The following RERE variants were observed in gnomAD, a reference collection of about 807,000 sequenced individuals.
RERE encodes the protein arginine-glutamic acid dipeptide repeats protein.
Under a neutral mutation model 146.1 loss-of-function variants are expected in RERE, and 40 were observed. The ratio of observed to expected loss-of-function variants is 0.27; its 90% CI spans 0.21 to 0.36. The LOEUF (loss-of-function observed/expected upper bound fraction) is 0.36, where lower values mean the gene tolerates loss of function less well. Ranked by LOEUF, RERE falls within the 10% of genes least tolerant of loss-of-function variation. The pLI is 1.00. For missense variants in RERE, 1,933 were observed against 2,138.7 expected (o/e 0.90, Z 1.90); for synonymous variants, 1,003 against 866.0 (o/e 1.16, Z -2.78).
chr1:8,695,692 G>C (rs1305497062), intron 1 of RERE, among the ~76,000 whole-genome samples: 1 of 151,696 alleles, frequency 6.6e-6, no homozygotes, highest in Non-Finnish European at 1.5e-5. Flanking sequence ...CCTGGGAGGT[G>C]GAGGTTGCAG....
chr1:8,383,378 A>G (rs934791897), intron 12 of RERE, among the ~76,000 whole-genome samples: 5 of 151,648 alleles, frequency 3.3e-5, no homozygotes, highest in Admixed American at 6.6e-5. Flanking sequence ...AACCAAGAGA[A>G]TGCACCTGCC....
intron 1 of RERE, among the ~76,000 whole-genome samples, chr1:8,800,331 G>A (rs1043682489): frequency 2.0e-5 from 3 of 151,590 alleles, no homozygotes; most frequent in African/African-American, 7.3e-5. Flanking sequence ...AAATTTTATA[G>A]CATGTGACCA....
chr1:8,533,833 ACAAAGGGTTTTTGAAATGAT>A (rs1037648019), intron 7 of RERE, among the ~76,000 whole-genome samples: 3 of 152,248 alleles, frequency 2.0e-5, no homozygotes, highest in Admixed American at 6.5e-5. Flanking sequence ...ATGTTATCTG[ACAAAGGGTTTTTGAAATGAT>A]CAAAGGGTTT....
At chr1:8,653,072 C>A (rs1647709802) in intron 2 of RERE, among the ~76,000 whole-genome samples, 1 of 152,168 alleles carries the variant, frequency 6.6e-6, no homozygotes, top group Non-Finnish European at 1.5e-5. Flanking sequence ...GTGCCACAGT[C>A]CCATAAATGG....
chr1:8,357,859 G>A (rs1641357483), intron 20 of RERE, among the ~76,000 whole-genome samples: 1 of 152,330 alleles, frequency 6.6e-6, no homozygotes, highest in Middle Eastern at 3.4e-3. Flanking sequence ...ACGTTCCTTG[G>A]CTCCAAAGGC....
intron 7 of RERE, among the ~76,000 whole-genome samples, chr1:8,539,003 T>C (rs528532339): frequency 6.6e-6 from 1 of 152,340 alleles, no homozygotes; most frequent in South Asian, 2.1e-4. Context: ...TTAATAAGCA[T>C]TCAGCAAAAC....
At chr1:8,526,149 C>T (rs1557672547) in intron 7 of RERE, 9 of 828,712 alleles carry the variant, frequency 1.1e-5, no homozygotes, top group African/African-American at 1.8e-5. Flanking sequence ...GGATCCAAGA[C>T]AGCCAACAGC....
At chr1:8,583,310 C>T (rs184389875) in intron 4 of RERE, among the ~76,000 whole-genome samples, 41 of 152,242 alleles carry the variant, frequency 2.7e-4, no homozygotes, top group African/African-American at 9.6e-4. Flanking sequence ...CTCTACAAAC[C>T]GCAAAATATA....
At chr1:8,366,380 CACA>C (rs1641804181) in intron 12 of RERE, among the ~76,000 whole-genome samples, 1 of 152,240 alleles carries the variant, frequency 6.6e-6, no homozygotes, top group Non-Finnish European at 1.5e-5. Flanking sequence ...TGTGTGTGAA[CACA>C]ACGATGCTTT....
chr1:8,398,098 T>A (rs1162750884), intron 12 of RERE, among the ~76,000 whole-genome samples: 2 of 152,192 alleles, frequency 1.3e-5, no homozygotes, highest in Admixed American at 6.5e-5. Context: ...TATATCCTCC[T>A]CAGATTAGAG....
chr1:8,404,436 C>A (rs564249876), intron 12 of RERE, among the ~76,000 whole-genome samples: 93 of 151,280 alleles, frequency 6.1e-4, no homozygotes, highest in African/African-American at 1.9e-3. Flanking sequence ...AACAAACAAA[C>A]AAAAAAAAGA....
At chr1:8,394,532 T>C (rs897081918) in intron 12 of RERE, among the ~76,000 whole-genome samples, 1 of 151,800 alleles carries the variant, frequency 6.6e-6, no homozygotes, top group East Asian at 1.9e-4. Context: ...ACAGCGGGAG[T>C]GGAAAAGGAA....
chr1:8,476,715 T>G (rs1024319999), intron 10 of RERE, among the ~76,000 whole-genome samples: 1 of 152,152 alleles, frequency 6.6e-6, no homozygotes, highest in African/African-American at 2.4e-5. Flanking sequence ...AAAACACTAT[T>G]CTAGGAGAAA....
At chr1:8,680,973 C>CT (rs1210848666) in intron 1 of RERE, among the ~76,000 whole-genome samples, 1 of 152,158 alleles carries the variant, frequency 6.6e-6, no homozygotes, top group African/African-American at 2.4e-5. Flanking sequence ...TCTACGAATG[C>CT]TAAATACAGG....
chr1:8,673,628 G>A (rs1057387450), intron 1 of RERE, among the ~76,000 whole-genome samples: 2 of 152,148 alleles, frequency 1.3e-5, no homozygotes, highest in Non-Finnish European at 2.9e-5. Context: ...TTGGAAAGAA[G>A]GTCATTACTG....
intron 4 of RERE, among the ~76,000 whole-genome samples, chr1:8,564,870 G>GTGTGTATA (rs1269710840): frequency 8.9e-4 from 113 of 127,398 alleles, no homozygotes; most frequent in African/African-American, 3.1e-3. Context: ...GTGTGTGTGT[G>GTGTGTATA]TATATATATA....
intron 12 of RERE, among the ~76,000 whole-genome samples, chr1:8,413,347 TTTG>T (rs891031772): frequency 1.1e-4 from 17 of 151,862 alleles, no homozygotes; most frequent in Admixed American, 5.3e-4. Flanking sequence ...AATTTTGTTT[TTTG>T]TTGTTGTTGT....
At chr1:8,741,932 A>G (rs998465923) in intron 1 of RERE, among the ~76,000 whole-genome samples, 4 of 152,240 alleles carry the variant, frequency 2.6e-5, no homozygotes, top group African/African-American at 9.6e-5. Context: ...ATGCCTAACA[A>G]TTAAGATACA....
chr1:8,363,917 C>T, intron 15 of RERE, 139 bp downstream of exon 15: 2 of 776,018 alleles, frequency 2.6e-6, no homozygotes, highest in South Asian at 1.7e-5. Context: ...CAAGCTACCG[C>T]CTCGGGCAAA....
Sources: gnomAD v4.1 joint callset for allele counts (sites outside exome capture counted in the v4.1 genomes callset) on GRCh38, gnomAD v4.1.1 for gene constraint, MANE v1.5 for transcripts, NCBI Gene and HGNC (gene_info 2026-07-23, HGNC 2026-07-21) for gene names.